Variants in NLGN1 observed in about 807,000 individuals in gnomAD.
NLGN1 encodes the protein neuroligin 1, also known as neuroligin-1.
A neutral mutation model predicts 65.5 loss-of-function variants in NLGN1; 12 were observed. The observed-to-expected ratio is 0.18, with a 90% confidence interval of 0.12 to 0.30. The LOEUF (loss-of-function observed/expected upper bound fraction) is 0.30, where lower values mean the gene tolerates loss of function less well. NLGN1 is among the 10% of genes least tolerant of loss of function. The probability of loss-of-function intolerance (pLI) is 1.00; values close to 1 mark genes in which losing one functional copy is unlikely to be tolerated. For missense variants in NLGN1, 750 were observed against 1,007.1 expected (o/e 0.74, Z 3.46); for synonymous variants, 350 against 359.5 (o/e 0.97, Z 0.30).
chr3:173,429,211 TG>T (rs1577410903), intron 1 of NLGN1, among the ~76,000 whole-genome samples: 1 of 152,194 alleles, frequency 6.6e-6, no homozygotes, highest in East Asian at 1.9e-4. Flanking sequence ...GTCCTCTGAC[TG>T]TGTATTTTCA....
chr3:173,797,538 G>T (rs575928865), intron 3 of NLGN1, among the ~76,000 whole-genome samples: 33 of 151,880 alleles, frequency 2.2e-4, no homozygotes, highest in Admixed American at 7.2e-4. Flanking sequence ...ATTTGTATTT[G>T]CTTCTAATTC....
chr3:173,998,073 C>G (rs930194638), intron 4 of NLGN1, among the ~76,000 whole-genome samples: 3 of 152,128 alleles, frequency 2.0e-5, no homozygotes, highest in African/African-American at 7.2e-5. Flanking sequence ...GTCTGCAAAA[C>G]CTCCTGGCAG....
At chr3:173,722,345 G>A (rs1329381839) in intron 3 of NLGN1, among the ~76,000 whole-genome samples, 4 of 146,766 alleles carry the variant, frequency 2.7e-5, no homozygotes, top group Admixed American at 2.1e-4. Flanking sequence ...CCAGGCTCAA[G>A]CGATTCTCCT....
At chr3:174,088,363 T>A (rs1743820443) in intron 4 of NLGN1, among the ~76,000 whole-genome samples, 1 of 152,178 alleles carries the variant, frequency 6.6e-6, no homozygotes, top group South Asian at 2.1e-4. Context: ...TGTTACAAGT[T>A]CCCATTTTAC....
Position 173,505,544 on chromosome 3 carries a change from G to C in NLGN1, c.-321+70466G>C, listed in dbSNP as rs564219382. Reference sequence around the variant, plus strand: ...TATTCTGCACCACTCTTCTCCTAAGGGTCTTTCAGTATATCAAGCTCCTTG... The same window carrying C: ...TATTCTGCACCACTCTTCTCCTAAGCGTCTTTCAGTATATCAAGCTCCTTG... On this transcript the variant is annotated intron_variant, in intron 2 of 6. Coordinates refer to ENST00000457714, the Ensembl canonical transcript of NLGN1. Among the ~76,000 whole-genome samples, 13 of 152,026 alleles carry C rather than the reference G, an allele frequency of 8.6e-5. No individual in the cohort carries two copies. The South Asian group carries it at 2.7e-3, about 32-fold the overall frequency.
intron 3 of NLGN1, among the ~76,000 whole-genome samples, chr3:173,610,052 T>C (rs972185241): frequency 6.6e-6 from 1 of 151,694 alleles, no homozygotes; most frequent in African/African-American, 2.4e-5. Flanking sequence ...TGAGAGTAGG[T>C]TGTAGGAGAG....
chr3:173,399,983 A>G (rs1002069898), intron 1 of NLGN1: 2 of 152,114 alleles, frequency 1.3e-5, no homozygotes, highest in Admixed American at 1.3e-4. Flanking sequence ...ATTCTTTATT[A>G]TTTTTACACA....
intron 3 of NLGN1, among the ~76,000 whole-genome samples, chr3:173,758,678 G>A (rs190035688): frequency 7.3e-5 from 11 of 151,702 alleles, no homozygotes; most frequent in East Asian, 3.9e-4. Context: ...ACTTTACATC[G>A]CCAAAAATGC....
chr3:173,648,996 C>A (rs936506683), intron 3 of NLGN1, among the ~76,000 whole-genome samples: 14 of 151,954 alleles, frequency 9.2e-5, no homozygotes, highest in African/African-American at 2.7e-4. Flanking sequence ...GTATGAAACC[C>A]AAAACAACCT....
chr3:173,812,738 A>G (rs2150482397), intron 4 of NLGN1, among the ~76,000 whole-genome samples: 1 of 144,088 alleles, frequency 6.9e-6, no homozygotes, highest in Non-Finnish European at 1.5e-5. Context: ...ACGCACACAC[A>G]TACTATATAT....
At chr3:173,797,696 C>CA (rs112560290) in intron 3 of NLGN1, among the ~76,000 whole-genome samples, 92,732 of 144,438 alleles carry the variant, frequency 0.64, 30,839 homozygotes, top group Non-Finnish European at 0.73. Context: ...ACAACAACAA[C>CA]AACAAAAAAA....
At chr3:173,604,746 G>T in exon 3 of NLGN1, 1 of 1,613,770 alleles carries the variant, frequency 6.2e-7, no homozygotes, top group Non-Finnish European at 8.5e-7. Flanking sequence ...AAAATTGGAT[G>T]ATGTGGACCC....
At chr3:174,009,030 C>T (rs1402516057) in intron 4 of NLGN1, among the ~76,000 whole-genome samples, 1 of 152,112 alleles carries the variant, frequency 6.6e-6, no homozygotes, top group Admixed American at 6.6e-5. Context: ...TAGCAATGAA[C>T]ATTGTTTCTC....
At chr3:173,423,054 A>G (rs1360224399) in intron 1 of NLGN1, among the ~76,000 whole-genome samples, 2 of 152,176 alleles carry the variant, frequency 1.3e-5, no homozygotes, top group African/African-American at 4.8e-5. Context: ...GTAGAGGGCG[A>G]AGGAGAAGCA....
chr3:174,247,675 A>T (rs1469126401), intron 4 of NLGN1, among the ~76,000 whole-genome samples: 1 of 152,090 alleles, frequency 6.6e-6, no homozygotes, highest in African/African-American at 2.4e-5. Flanking sequence ...TCATCAAGCA[A>T]CCCAGCCTAG....
At chr3:173,449,088 T>A (rs1720969926) in intron 2 of NLGN1, among the ~76,000 whole-genome samples, 1 of 152,206 alleles carries the variant, frequency 6.6e-6, no homozygotes, top group Non-Finnish European at 1.5e-5. Context: ...TCTTAGTTAT[T>A]TCTTGCCTTC....
In NLGN1 at chr3:174,278,795, G is replaced by A. The variant is rs553115639; in HGVS notation, c.860-66G>A. 5.4e-4 allele frequency: 656 copies of A among 1,221,646 alleles called. 9 individuals carry two copies. In the South Asian group the frequency reaches 0.011, roughly 21 times the overall value. 75.7% of individuals were successfully genotyped at this position (1,221,646 alleles called of 1,614,324 possible). A position where few individuals can be genotyped will look rare whatever the true frequency, so the allele number is the denominator to read the frequency against. ...TTTTATATACATGTCTAAAATATCA[G>A]ATGTTATTGTTTTACCACAACATTA... On this transcript the variant is annotated intron_variant, in intron 5 of 6. Transcript: ENST00000457714.
chr3:174,088,604 T>C (rs1743884041), intron 4 of NLGN1, among the ~76,000 whole-genome samples: 1 of 151,494 alleles, frequency 6.6e-6, no homozygotes, highest in African/African-American at 2.4e-5. Flanking sequence ...AATACAAAAA[T>C]TAGCCGGGCG....
intron 4 of NLGN1, among the ~76,000 whole-genome samples, chr3:174,270,225 A>AATC (rs1472741371): frequency 3.3e-5 from 5 of 149,908 alleles, no homozygotes; most frequent in African/African-American, 1.2e-4. Context: ...ATATCCAAGA[A>AATC]ATCATTGCCA....
Sources: allele counts gnomAD v4.1 joint callset (sites outside exome capture counted in the v4.1 genomes callset), GRCh38; gene constraint gnomAD v4.1.1; transcripts MANE v1.5; gene names NCBI Gene and HGNC (gene_info 2026-07-23, HGNC 2026-07-21).